Variants in DNAI3 observed in about 807,000 individuals in gnomAD.
DNAI3 encodes dynein axonemal intermediate chain 3, also known as WD repeat domain 63.
DNAI3 carries 83 observed loss-of-function variants against 115.5 expected under a neutral mutation model. That is an observed-to-expected ratio of 0.72 (90% CI 0.60 to 0.86). The LOEUF (loss-of-function observed/expected upper bound fraction) is 0.86, where lower values mean the gene tolerates loss of function less well. DNAI3 is among the 40% of genes least tolerant of loss of function. DNAI3 has a pLI of 0.00. For synonymous variants in DNAI3, 320 were observed against 347.0 expected, an observed-to-expected ratio of 0.92 and a Z score of 0.86; for missense variants, 1,004 against 1,075.8, an observed-to-expected ratio of 0.93 and a Z score of 0.93.
At chr1:85,086,229 G>T (rs190832447) in intron 7 of DNAI3, among the ~76,000 whole-genome samples, 199 bp downstream of exon 7, 1 of 152,264 alleles carries the variant, frequency 6.6e-6, no homozygotes, top group East Asian at 1.9e-4. Flanking sequence ...AGGAAAATGA[G>T]ATAGAAGTAT....
chr1:85,117,934 A>G (rs1389501589), intron 17 of DNAI3, 75 bp downstream of exon 17: 1 of 1,517,268 alleles, frequency 6.6e-7, no homozygotes, highest in South Asian at 1.3e-5. Context: ...TCTACTGTAC[A>G]TTTTTGCTGT....
intron 16 of DNAI3, among the ~76,000 whole-genome samples, chr1:85,115,445 T>G (rs1359756957): frequency 1.3e-5 from 2 of 152,214 alleles, no homozygotes; most frequent in Non-Finnish European, 2.9e-5. Flanking sequence ...AGCACACACT[T>G]TAGTGCCTGG....
Position 85,093,572 on chromosome 1 carries a change from G to C in DNAI3, c.972G>C (p.Glu324Asp), listed in dbSNP as rs761885107. ...ACAAGACCGATACCCACCTGAAAGA[G>C]TACCAGTCCTTTACCGACCTTCATA... The part of the protein sequence containing the change: ...FGDKTDTHLK[E>D]YQSFTDLHSP... The change falls in exon 9 of 23, where the codon GAG becomes GAC. Residue 324 changes from glutamate to aspartate, a missense_variant. By Grantham distance (45) the Glu-to-Asp change is conservative (BLOSUM62 2). Coordinates refer to ENST00000294664, the MANE Select transcript of DNAI3 (RefSeq NM_145172.5). 7 of 1,614,192 alleles carry C rather than the reference G, an allele frequency of 4.3e-6. No homozygotes were observed. Among genetic ancestry groups the C allele is most frequent in the Admixed American group, 1.7e-5 (1 of 60,008 alleles).
At chr1:85,101,008 A>T (rs1475254127) in intron 13 of DNAI3, among the ~76,000 whole-genome samples, 2 of 151,970 alleles carry the variant, frequency 1.3e-5, no homozygotes, top group Non-Finnish European at 1.5e-5. Flanking sequence ...GCATTAGGAG[A>T]TATACCTAAT....
At chr1:85,093,960 C>T (rs1557714984) in intron 9 of DNAI3, 1 of 521,940 alleles carries the variant, frequency 1.9e-6, no homozygotes, top group Non-Finnish European at 3.7e-6. Flanking sequence ...TGTTGCTCTC[C>T]CAAGGCTAAA....
chr1:85,110,297 A>G (rs1655615754), intron 16 of DNAI3, among the ~76,000 whole-genome samples, 162 bp downstream of exon 16: 1 of 151,810 alleles, frequency 6.6e-6, no homozygotes, highest in Admixed American at 6.6e-5. Context: ...TAAAACTACA[A>G]AAAATTAGCC....
chr1:85,101,205 T>C (rs1447341749), intron 13 of DNAI3, among the ~76,000 whole-genome samples: 2 of 152,050 alleles, frequency 1.3e-5, no homozygotes, highest in Non-Finnish European at 2.9e-5. Context: ...AAGAGGTGAT[T>C]ATCATTATAC....
chr1:85,101,761 AC>A (rs1244034071), intron 13 of DNAI3, among the ~76,000 whole-genome samples: 1 of 150,574 alleles, frequency 6.6e-6, no homozygotes, highest in African/African-American at 2.4e-5. Flanking sequence ...AAGGAAAATA[AC>A]AAATCATACA....
In DNAI3 at chr1:85,108,192, G is replaced by GT; in HGVS notation, c.1698+20dup. On this transcript the variant is annotated intron_variant, in intron 15 of 22. Coordinates refer to ENST00000294664, the MANE Select transcript of DNAI3 (RefSeq NM_145172.5). ...CTCTCACTAAGGTAAGTAATGTGGG[G>GT]TTTTTAGTCCATCCTGCTTGCATAA... is the stretch of plus-strand genomic sequence containing the variant. 2.5e-6 allele frequency: 4 copies of GT among 1,571,238 alleles called. No homozygotes were observed. Among genetic ancestry groups the GT allele is most frequent in the Non-Finnish European group, 3.4e-6 (4 of 1,164,906 alleles).
chr1:85,082,715 A>G (rs758563003), intron 5 of DNAI3, among the ~76,000 whole-genome samples: 29 of 152,182 alleles, frequency 1.9e-4, no homozygotes, highest in Non-Finnish European at 3.7e-4. Context: ...GGGGATCCCT[A>G]TACATAGTGA....
At chr1:85,077,724 T>A (rs2100562455) in intron 3 of DNAI3, among the ~76,000 whole-genome samples, 1 of 152,264 alleles carries the variant, frequency 6.6e-6, no homozygotes, top group East Asian at 1.9e-4. Context: ...CATTTGGGTC[T>A]TATGGGTATG....
intron 1 of DNAI3, among the ~76,000 whole-genome samples, chr1:85,069,424 C>T (rs187843028): frequency 6.6e-6 from 1 of 152,286 alleles, no homozygotes; most frequent in Non-Finnish European, 1.5e-5. Context: ...AGAATGTGAG[C>T]TTGCACAAGG....
intron 15 of DNAI3, 76 bp from the exon 16 acceptor site, chr1:85,109,972 G>C (rs1204691455): frequency 7.1e-7 from 1 of 1,417,198 alleles, no homozygotes; most frequent in African/African-American, 1.4e-5. Flanking sequence ...GAGCAGAAGG[G>C]AAAGGCAAGA....
intron 14 of DNAI3, 125 bp from the exon 15 acceptor site, chr1:85,107,908 C>G: frequency 1.6e-6 from 1 of 619,858 alleles, no homozygotes. Context: ...TCATAAAAAT[C>G]TTAGTTTCAG....
intron 13 of DNAI3, among the ~76,000 whole-genome samples, chr1:85,100,960 C>T (rs928987096): frequency 2.2e-5 from 3 of 137,188 alleles, no homozygotes; most frequent in Admixed American, 1.6e-4. Context: ...ACATCACACT[C>T]TGGGGACTGT....
At chr1:85,088,240 G>A (rs1208723308) in intron 7 of DNAI3, among the ~76,000 whole-genome samples, 1 of 152,130 alleles carries the variant, frequency 6.6e-6, no homozygotes, top group Non-Finnish European at 1.5e-5. Flanking sequence ...GGTAGACTCA[G>A]TAGGTAGACT....
chr1:85,096,851 G>T (rs1177683965), intron 11 of DNAI3, among the ~76,000 whole-genome samples: 1 of 151,984 alleles, frequency 6.6e-6, no homozygotes, highest in Non-Finnish European at 1.5e-5. Context: ...ATAACTGAGG[G>T]TCATAATGAC....
In DNAI3 at chr1:85,121,824, G is replaced by C. The variant is rs1450386366; in HGVS notation, c.1981+10G>C. On this transcript the variant is annotated intron_variant, in intron 18 of 22. Transcript: ENST00000294664. The stretch of plus-strand genomic sequence containing the variant: ...ACTGGCCGACTTATGTGTAAGTTTT[G>C]TGATTGCCCTGTTATTAATAAGATG... 8 of 1,613,742 alleles carry C rather than the reference G, an allele frequency of 5.0e-6. No homozygotes were observed. The Admixed American group carries it at 1.3e-4, about 27-fold the overall frequency.
At chr1:85,108,756 C>A (rs902162087) in intron 15 of DNAI3, among the ~76,000 whole-genome samples, 1 of 152,130 alleles carries the variant, frequency 6.6e-6, no homozygotes, top group Non-Finnish European at 1.5e-5. Flanking sequence ...GGTTTTTCAA[C>A]CTTTGCCTCC....
Sources: allele counts gnomAD v4.1 joint callset (sites outside exome capture counted in the v4.1 genomes callset), GRCh38; gene constraint gnomAD v4.1.1; transcripts MANE v1.5; gene names NCBI Gene and HGNC (gene_info 2026-07-23, HGNC 2026-07-21).